Variants in SUFU observed in about 807,000 individuals in gnomAD.
SUFU encodes SUFU negative regulator of hedgehog signaling.
SUFU carries 7 observed loss-of-function variants against 58.9 expected under a neutral mutation model. That is an observed-to-expected ratio of 0.12 (90% CI 0.07 to 0.22). The LOEUF is 0.22. Among genes scored for constraint, SUFU ranks in the 10% least tolerant of loss-of-function variants. The probability of loss-of-function intolerance (pLI) is 1.00; values close to 1 mark genes in which losing one functional copy is unlikely to be tolerated. For synonymous variants in SUFU, 232 were observed against 254.8 expected (o/e 0.91, Z 0.85); for missense variants, 451 against 641.3 (o/e 0.70, Z 3.20).
chr10:102,543,616 C>G (rs947249278), intron 2 of SUFU, among the ~76,000 whole-genome samples: 8 of 152,160 alleles, frequency 5.3e-5, no homozygotes, highest in Non-Finnish European at 8.8e-5. Context: ...CCTAGGCAAC[C>G]ATTAATCCAC....
intron 2 of SUFU, among the ~76,000 whole-genome samples, chr10:102,531,082 CAAAAAAAAAAAAAAAA>C (rs5787463): frequency 6.3e-5 from 6 of 95,424 alleles, no homozygotes; most frequent in Non-Finnish European, 1.2e-4. Flanking sequence ...CCATTTCTAC[CAAAAAAAAAAAAAAAA>C]AAAAAATGTA....
Position 102,630,367 on chromosome 10 carries a change from A to G in SUFU, c.*212A>G. ...CAGGGGCCGCACCCCGCCGCTGGCT[A>G]AGCCTTGTGACCCATCAGGCCAGTG... On this transcript the variant is annotated 3_prime_UTR_variant, in exon 12 of 12. Coordinates refer to ENST00000369902, the MANE Select transcript of SUFU (RefSeq NM_016169.4). The G allele has an allele frequency of 1.7e-6, 1 of 601,430 alleles. No individual in the cohort carries two copies. The highest frequency in any genetic ancestry group is 3.0e-6 in the Non-Finnish European group (1 of 335,714). The allele number at this position is 601,430 out of a possible 1,614,324, so 37.3% of individuals were successfully genotyped here. A position where few individuals can be genotyped will look rare whatever the true frequency, so the allele number is the denominator to read the frequency against.
Position 102,632,286 on chromosome 10 carries a change from C to T in SUFU, c.*2131C>T. ...AGGTAGACACCAGCCAGCATGGTGG[C>T]CCTGTTCTGGGGGAGCAGGGTAAGG... is the stretch of plus-strand genomic sequence containing the variant. On this transcript the variant is annotated 3_prime_UTR_variant, in exon 12 of 12. Transcript: ENST00000369902. The T allele has an allele frequency of 4.3e-6, 1 of 233,340 alleles. No homozygotes were observed. Among genetic ancestry groups the T allele is most frequent in the Non-Finnish European group, 8.5e-6 (1 of 118,128 alleles). The allele number at this position is 233,340 out of a possible 1,614,324, so 14.5% of individuals were successfully genotyped here. A position where few individuals can be genotyped will look rare whatever the true frequency, so the allele number is the denominator to read the frequency against.
chr10:102,522,067 A>G (rs1330784226), intron 2 of SUFU, among the ~76,000 whole-genome samples: 1 of 152,190 alleles, frequency 6.6e-6, no homozygotes, highest in Non-Finnish European at 1.5e-5. Flanking sequence ...AGGACTTAAC[A>G]TCTTCTGAGG....
intron 2 of SUFU, among the ~76,000 whole-genome samples, chr10:102,518,297 G>A (rs1415978397): frequency 6.6e-6 from 1 of 152,116 alleles, no homozygotes; most frequent in Non-Finnish European, 1.5e-5. Flanking sequence ...CTGGAACTGG[G>A]ATATAAACCC....
At chr10:102,524,429 G>A (rs1429849000) in intron 2 of SUFU, among the ~76,000 whole-genome samples, 2 of 149,540 alleles carry the variant, frequency 1.3e-5, no homozygotes, top group African/African-American at 2.5e-5. Context: ...GGGATCAAGC[G>A]ATTCTCCTGC....
chr10:102,571,615 G>C (rs1292107367), intron 3 of SUFU, among the ~76,000 whole-genome samples: 1 of 152,204 alleles, frequency 6.6e-6, no homozygotes, highest in Non-Finnish European at 1.5e-5. Flanking sequence ...ATTTGAACCT[G>C]GGAGACAGAG....
intron 2 of SUFU, among the ~76,000 whole-genome samples, chr10:102,520,666 T>C (rs1026919163): frequency 7.9e-5 from 12 of 152,238 alleles, no homozygotes; most frequent in African/African-American, 2.7e-4. Flanking sequence ...TGGTTTTTTT[T>C]ACTATCTCTG....
Position 102,599,501 on chromosome 10 carries a change from A to T in SUFU, c.979A>T (p.Ile327Phe). The change falls in exon 8 of 12, where the codon ATC becomes TTC. Residue 327 changes from isoleucine (I) to phenylalanine (F), a missense_variant. Ile to Phe is a conservative substitution (Grantham distance 21). Transcript: ENST00000369902. Reference sequence around the variant, plus strand: ...CAACAGCAAACCTGTCCTTCCACCAATCAACCCTCAGCGGCAGAATGGCCT... The same window carrying T: ...CAACAGCAAACCTGTCCTTCCACCATTCAACCCTCAGCGGCAGAATGGCCT... ...EINSKPVLPP[I>F]NPQRQNGLAH... The T allele has an allele frequency of 6.2e-7, 1 of 1,614,138 alleles. No homozygotes were observed. Among genetic ancestry groups the T allele is most frequent in the Non-Finnish European group, 8.5e-7 (1 of 1,180,018 alleles).
rs543282016 is a variant in SUFU at position 102,632,295 on chromosome 10, G to C, written c.*2140G>C. ...CCAGCCAGCATGGTGGCCCTGTTCTGGGGGAGCAGGGTAAGGCAGGAGGAA... is the reference window on the plus strand; with the variant it reads ...CCAGCCAGCATGGTGGCCCTGTTCTCGGGGAGCAGGGTAAGGCAGGAGGAA... On this transcript the variant is annotated 3_prime_UTR_variant, in exon 12 of 12. Coordinates refer to ENST00000369902, the MANE Select transcript of SUFU (RefSeq NM_016169.4). 4.3e-6 allele frequency: 1 copy of C among 233,216 alleles called. No homozygotes were observed. Among genetic ancestry groups the C allele is most frequent in the Non-Finnish European group, 8.5e-6 (1 of 118,128 alleles). The allele number at this position is 233,216 out of a possible 1,614,324, so 14.4% of individuals were successfully genotyped here. A position where few individuals can be genotyped will look rare whatever the true frequency, so the allele number is the denominator to read the frequency against.
chr10:102,588,075 C>T (rs974580193), intron 3 of SUFU, among the ~76,000 whole-genome samples: 2 of 152,104 alleles, frequency 1.3e-5, no homozygotes, highest in African/African-American at 2.4e-5. Context: ...TTTCCTTTAT[C>T]GAATTGTTTT....
At chr10:102,578,553 C>CA (rs1261628499) in intron 3 of SUFU, among the ~76,000 whole-genome samples, 10 of 152,062 alleles carry the variant, frequency 6.6e-5, no homozygotes, top group Admixed American at 5.2e-4. Context: ...ACTAAAAGTA[C>CA]AAACATTAGC....
At chr10:102,538,343 A>G (rs2062764646) in intron 2 of SUFU, among the ~76,000 whole-genome samples, 1 of 137,724 alleles carries the variant, frequency 7.3e-6, no homozygotes, top group African/African-American at 2.7e-5. Flanking sequence ...ATACTTATGC[A>G]AGAGGCTTTT....
At chr10:102,512,843 C>T (rs927719645) in intron 2 of SUFU, among the ~76,000 whole-genome samples, 3 of 152,084 alleles carry the variant, frequency 2.0e-5, no homozygotes, top group East Asian at 1.9e-4. Context: ...GCAGGAGGAT[C>T]GCTTGAGCCC....
chr10:102,520,179 T>C (rs1049507728), intron 2 of SUFU, among the ~76,000 whole-genome samples: 1 of 151,840 alleles, frequency 6.6e-6, no homozygotes, highest in Non-Finnish European at 1.5e-5. Flanking sequence ...ACCTTAGGCT[T>C]CACTCTTTGT....
intron 3 of SUFU, among the ~76,000 whole-genome samples, chr10:102,552,485 A>G (rs141729935): frequency 3.9e-5 from 6 of 152,268 alleles, no homozygotes; most frequent in African/African-American, 1.4e-4. Flanking sequence ...AAAGACATAA[A>G]AAGGCAAGGG....
In SUFU at chr10:102,597,359, G is replaced by A. The variant is rs1483172472; in HGVS notation, c.910+66G>A. On this transcript the variant is annotated intron_variant, in intron 7 of 11. Transcript: ENST00000369902. ...CCTTTTCCCCAGGGCCTGGTTTCCA[G>A]TCTCTCTAGGATGGGTCTCTAACAA... The A allele has an allele frequency of 5.7e-6, 9 of 1,575,966 alleles. No individual in the cohort carries two copies. In the African/African-American group the frequency reaches 1.2e-4, roughly 21 times the overall value.
chr10:102,582,846 T>C (rs1179051532), intron 3 of SUFU, among the ~76,000 whole-genome samples: 1 of 152,174 alleles, frequency 6.6e-6, no homozygotes, highest in Non-Finnish European at 1.5e-5. Context: ...TTACCTGGAA[T>C]GGCGACGTTC....
chr10:102,579,509 A>G (rs1590048977), intron 3 of SUFU, among the ~76,000 whole-genome samples: 1 of 152,270 alleles, frequency 6.6e-6, no homozygotes, highest in East Asian at 1.9e-4. Context: ...TGCCTTTATG[A>G]TTGCGGCTTT....
Sources: gnomAD v4.1 joint callset for allele counts (sites outside exome capture counted in the v4.1 genomes callset) on GRCh38, gnomAD v4.1.1 for gene constraint, MANE v1.5 for transcripts, NCBI Gene and HGNC (gene_info 2026-07-23, HGNC 2026-07-21) for gene names.